Variants in ZNF343 observed in about 807,000 individuals in gnomAD.
ZNF343 encodes zinc finger protein 343.
ZNF343 carries 11 observed loss-of-function variants against 13.8 expected under a neutral mutation model. That is an observed-to-expected ratio of 0.80 (90% CI 0.50 to 1.32). The LOEUF (loss-of-function observed/expected upper bound fraction) is 1.32. ZNF343 is among the 40% of genes most tolerant of loss of function. ZNF343 has a pLI of 0.00. For missense variants in ZNF343, 658 were observed against 714.2 expected (o/e 0.92, Z 0.90); for synonymous variants, 248 against 260.0 (o/e 0.95, Z 0.44).
At chr20:2,509,020 C>T (rs2085717280), upstream of ZNF343, 1 of 152,340 alleles carries the variant, frequency 6.6e-6, no homozygotes, top group African/African-American at 2.4e-5. Flanking sequence ...AGGACAGTGA[C>T]CACTGCAGTG....
rs187334756 is a variant in ZNF343 at position 2,499,115 on chromosome 20, G to A, written c.-150+1541C>T. Among the ~76,000 whole-genome samples, 1,134 of 150,916 alleles carry A rather than the reference G, an allele frequency of 7.5e-3. 13 individuals carry two copies. The highest frequency in any genetic ancestry group is 0.026 in the African/African-American group (1,075 of 41,212). ...GCTGGGATTACAGGCGTGAGCCACC[G>A]CATGTGGCCTCACACTCTAATTATT... On this transcript the variant is annotated intron_variant, in intron 2 of 5. Coordinates refer to ENST00000278772, the MANE Select transcript of ZNF343 (RefSeq NM_024325.6).
At chr20:2,488,750 A>C (rs2085320517) in intron 5 of ZNF343, among the ~76,000 whole-genome samples, 1 of 152,196 alleles carries the variant, frequency 6.6e-6, no homozygotes, top group Non-Finnish European at 1.5e-5. Flanking sequence ...TAATCTATAA[A>C]AATATTTTTT....
chr20:2,497,279 T>A (rs192800648), intron 2 of ZNF343, among the ~76,000 whole-genome samples: 20 of 152,180 alleles, frequency 1.3e-4, no homozygotes, highest in Admixed American at 4.6e-4. Flanking sequence ...ATAGATGGAT[T>A]TAAAGTCCTC....
Position 2,483,902 on chromosome 20 carries a change from A to T in ZNF343, c.1059T>A (p.Tyr353Ter), listed in dbSNP as rs752412341. ...AGCCTCGCCCACACTCGCTGCAAAC[A>T]TAGGGCTTCTCCTCTGAGTGAGTCC... ...HQWTHSEEKPYVCSECGRGFS... is the reference protein window; with the variant it reads ...HQWTHSEEKP Residue 353 changes from tyrosine (Y) to a stop codon, truncating the protein, a stop_gained, in exon 6 of 6, where the codon TAT (tyrosine) becomes TAA (stop). Transcript: ENST00000278772. LOFTEE classifies it low-confidence loss of function (END_TRUNC). 4 of 1,614,088 alleles carry T rather than the reference A, an allele frequency of 2.5e-6. No individual in the cohort carries two copies. In the Admixed American group the frequency reaches 5.0e-5, roughly 20 times the overall value.
chr20:2,494,450 A>G (rs1209687034), intron 2 of ZNF343, among the ~76,000 whole-genome samples: 2 of 152,030 alleles, frequency 1.3e-5, no homozygotes, highest in African/African-American at 4.8e-5. Context: ...CCCTGCCCCA[A>G]CCCAAGGTTC....
rs750911288 is a variant in ZNF343, at chr20:2,518,145, C to A, written c.-347+6310G>T. On this transcript the variant is annotated intron_variant, in intron 1 of 6. Transcript: ENST00000358413. This position sits in a 1 kb window ranked among gnomAD's most constrained non-coding sequence, Gnocchi z 4.6. ...TCCCCTTCCTCAGCTTTCTGAGTAG[C>A]TGGGATTACAGGCGCGTGCCACCAC... Among the ~76,000 whole-genome samples the A allele has an allele frequency of 3.3e-5, 5 of 151,968 alleles. No individual in the cohort carries two copies. The highest frequency in any genetic ancestry group is 7.4e-5 in the Non-Finnish European group (5 of 67,988).
chr20:2,494,633 G>A (rs1033838731), intron 2 of ZNF343, among the ~76,000 whole-genome samples: 1 of 152,130 alleles, frequency 6.6e-6, no homozygotes, highest in African/African-American at 2.4e-5. Context: ...GCTGGGCATG[G>A]TGGTGTGCGC....
upstream of ZNF343, among the ~76,000 whole-genome samples, chr20:2,510,023 T>C (rs549922471): frequency 6.6e-6 from 1 of 152,326 alleles, no homozygotes; most frequent in South Asian, 2.1e-4. Flanking sequence ...GTGAAGAAGA[T>C]AGTGCCCTTA....
Position 2,482,194 on chromosome 20 carries a change from C to T in ZNF343, c.*967G>A, listed in dbSNP as rs575856257. 6.6e-6 allele frequency: 1 copy of T among 152,326 alleles called. No individual in the cohort carries two copies. Among genetic ancestry groups the T allele is most frequent in the South Asian group, 2.1e-4 (1 of 4,830 alleles). The allele number at this position is 152,326 out of a possible 1,614,324, so 9.4% of individuals were successfully genotyped here. A position where few individuals can be genotyped will look rare whatever the true frequency, so the allele number is the denominator to read the frequency against. On this transcript the variant is annotated 3_prime_UTR_variant, in exon 6 of 6. Coordinates refer to ENST00000278772, the MANE Select transcript of ZNF343 (RefSeq NM_024325.6). ...GCTGTTCTTTGATGAGGACTTTTTCCTAAGTCCTTGTCCATTCTCCCCACA... is the reference window on the plus strand; with the variant it reads ...GCTGTTCTTTGATGAGGACTTTTTCTTAAGTCCTTGTCCATTCTCCCCACA...
intron 1 of ZNF343, among the ~76,000 whole-genome samples, chr20:2,515,877 G>T (rs1458025367): frequency 6.6e-6 from 1 of 152,126 alleles, no homozygotes; most frequent in African/African-American, 2.4e-5. Flanking sequence ...GCGATGATCC[G>T]TATCTGCATC....
At chr20:2,495,043 C>T (rs1419795124) in intron 2 of ZNF343, among the ~76,000 whole-genome samples, 1 of 152,198 alleles carries the variant, frequency 6.6e-6, no homozygotes, top group African/African-American at 2.4e-5. Flanking sequence ...GCTCCTCAGA[C>T]GCTGTCCAGG....
chr20:2,511,233 C>T (rs1392239470), upstream of ZNF343, among the ~76,000 whole-genome samples: 3 of 151,868 alleles, frequency 2.0e-5, no homozygotes, highest in Admixed American at 1.3e-4. Context: ...ACCTCAGCCC[C>T]GAGTAGTTGG....
Sources: gnomAD v4.1 joint callset for allele counts (sites outside exome capture counted in the v4.1 genomes callset) on GRCh38, gnomAD v4.1.1 for gene constraint, Gnocchi (gnomAD v3.1) non-coding constraint, MANE v1.5 for transcripts, NCBI Gene and HGNC (gene_info 2026-07-23, HGNC 2026-07-21) for gene names.